The following NDUFA10 variants were observed in gnomAD, a reference collection of about 807,000 sequenced individuals.
NDUFA10 encodes NADH:ubiquinone oxidoreductase subunit A10.
In NDUFA10, 40 loss-of-function variants were observed where a neutral mutation model predicts 47.8. The observed-to-expected ratio is 0.84, with a 90% CI of 0.65 to 1.09. The LOEUF (loss-of-function observed/expected upper bound fraction) is 1.09, where lower values mean the gene tolerates loss of function less well. NDUFA10 is among the 50% of genes least tolerant of loss of function. NDUFA10 has a pLI of 0.00. For synonymous variants in NDUFA10, 183 were observed against 172.2 expected (o/e 1.06, Z -0.49); for missense variants, 413 against 451.1 (o/e 0.92, Z 0.76).
chr2:239,909,727 A>C (rs901804487), intron 4 of NDUFA10, among the ~76,000 whole-genome samples: 3 of 150,218 alleles, frequency 2.0e-5, no homozygotes, highest in African/African-American at 7.4e-5. Flanking sequence ...AGCAATTGCA[A>C]CAAAAGCAAA....
intron 4 of NDUFA10, among the ~76,000 whole-genome samples, chr2:239,937,881 A>G (rs1694290542): frequency 6.6e-6 from 1 of 152,144 alleles, no homozygotes; most frequent in Admixed American, 6.5e-5. Context: ...TTTAATTGTA[A>G]CAAATTATTT....
At chr2:239,899,476 T>G (rs1380376404) in intron 4 of NDUFA10, among the ~76,000 whole-genome samples, 2 of 122,880 alleles carry the variant, frequency 1.6e-5, no homozygotes, top group African/African-American at 5.2e-5. Flanking sequence ...CGGAGGGGTG[T>G]GATGGAGAGG....
intron 9 of NDUFA10, among the ~76,000 whole-genome samples, chr2:239,980,282 G>A (rs1695716521): frequency 6.6e-6 from 1 of 152,236 alleles, no homozygotes; most frequent in Non-Finnish European, 1.5e-5. Context: ...GGATGACACT[G>A]TCGGGCAGGG....
chr2:239,985,333 T>C (rs1397794413), intron 9 of NDUFA10, among the ~76,000 whole-genome samples: 1 of 152,028 alleles, frequency 6.6e-6, no homozygotes, highest in East Asian at 1.9e-4. Flanking sequence ...ATGAAAACTC[T>C]AGAATCAAAA....
At chr2:239,973,594 C>T (rs754608322) in intron 9 of NDUFA10, 20 of 471,158 alleles carry the variant, frequency 4.2e-5, no homozygotes, top group Non-Finnish European at 7.0e-5. Flanking sequence ...AAGGAGGGAA[C>T]GATCAGCTTC....
At chr2:239,921,025 T>C (rs1461663450) in intron 4 of NDUFA10, among the ~76,000 whole-genome samples, 1 of 152,136 alleles carries the variant, frequency 6.6e-6, no homozygotes, top group Admixed American at 6.5e-5. Context: ...CAGGGTTCTG[T>C]GGACAGAGCA....
chr2:239,961,291 C>T (rs1694844828), intron 9 of NDUFA10, 105 bp from the exon 10 acceptor site: 10 of 1,582,224 alleles, frequency 6.3e-6, no homozygotes, highest in African/African-American at 1.3e-5. Flanking sequence ...TCATGAGTTC[C>T]TTCAGCAATG....
intron 8 of NDUFA10, among the ~76,000 whole-genome samples, chr2:239,997,400 TA>T (rs1696524034): frequency 6.6e-6 from 1 of 152,246 alleles, no homozygotes; most frequent in African/African-American, 2.4e-5. Flanking sequence ...TTAGTGTTTA[TA>T]AAATGCAAAG....
At chr2:239,935,375 AC>A (rs1255850161) in intron 4 of NDUFA10, among the ~76,000 whole-genome samples, 1 of 152,250 alleles carries the variant, frequency 6.6e-6, no homozygotes, top group Non-Finnish European at 1.5e-5. Flanking sequence ...TGGGAAAATT[AC>A]AATTCATCGC....
Position 240,021,177 on chromosome 2 carries a change from A to G in NDUFA10, c.460+20T>C. 1 of 1,602,446 alleles carries G rather than the reference A, an allele frequency of 6.2e-7. No individual in the cohort carries two copies. Among genetic ancestry groups the G allele is most frequent in the Non-Finnish European group, 8.5e-7 (1 of 1,169,612 alleles). ...AGTGTTCAAGTACAGAACAGATCTA[A>G]CTGCCCAGAAATACTGCACCTGTGG... On this transcript the variant is annotated intron_variant, in intron 3 of 9. Transcript: ENST00000252711.
At chr2:239,988,404 G>T (rs756029606) in intron 9 of NDUFA10, among the ~76,000 whole-genome samples, 6 of 152,084 alleles carry the variant, frequency 3.9e-5, no homozygotes, top group Admixed American at 3.3e-4. Flanking sequence ...CTCACAAAAC[G>T]GAAAGGGGGC....
chr2:239,982,615 C>T (rs776792024), intron 9 of NDUFA10, among the ~76,000 whole-genome samples: 17 of 152,192 alleles, frequency 1.1e-4, no homozygotes, highest in Non-Finnish European at 2.4e-4. Flanking sequence ...TGTCTCCAGG[C>T]CCTATCTCTT....
intron 4 of NDUFA10, among the ~76,000 whole-genome samples, chr2:239,908,901 C>A (rs1003783832): frequency 2.0e-5 from 3 of 152,136 alleles, no homozygotes; most frequent in African/African-American, 7.2e-5. Context: ...CAGGAGGAGC[C>A]CCCAAGCACC....
intron 4 of NDUFA10, among the ~76,000 whole-genome samples, chr2:239,949,478 G>T (rs951844586): frequency 6.6e-6 from 1 of 152,172 alleles, no homozygotes. Flanking sequence ...CAGAAAGGTG[G>T]TGGAAGAAAG....
intron 9 of NDUFA10, among the ~76,000 whole-genome samples, chr2:239,966,107 CGT>C (rs1478652281): frequency 6.6e-6 from 1 of 152,238 alleles, no homozygotes; most frequent in African/African-American, 2.4e-5. Context: ...ATGACCCTGG[CGT>C]GTGTCAGTCC....
intron 4 of NDUFA10, among the ~76,000 whole-genome samples, chr2:239,915,907 A>G (rs974227122): frequency 6.7e-6 from 1 of 149,318 alleles, no homozygotes; most frequent in East Asian, 1.9e-4. Flanking sequence ...AGATACACAT[A>G]CACACACAGC....
chr2:239,936,117 G>A (rs1694262565), intron 4 of NDUFA10, among the ~76,000 whole-genome samples: 1 of 152,212 alleles, frequency 6.6e-6, no homozygotes, highest in South Asian at 2.1e-4. Context: ...AACTTCTCCT[G>A]TTCAAGAGCA....
At chr2:239,973,909 G>T (rs975449132) in intron 9 of NDUFA10, among the ~76,000 whole-genome samples, 1 of 152,026 alleles carries the variant, frequency 6.6e-6, no homozygotes, top group African/African-American at 2.4e-5. Context: ...TGAAAATGCT[G>T]CTTTACTTAT....
intron 1 of NDUFA10, 114 bp from the exon 2 acceptor site, chr2:240,022,454 T>C (rs1697663349): frequency 7.6e-6 from 11 of 1,455,752 alleles, no homozygotes; most frequent in African/African-American, 1.4e-5. Context: ...AATGCCAACA[T>C]CTACATCTTT....
Sources: gnomAD v4.1 joint callset for allele counts (sites outside exome capture counted in the v4.1 genomes callset) on GRCh38, gnomAD v4.1.1 for gene constraint, MANE v1.5 for transcripts, NCBI Gene and HGNC (gene_info 2026-07-23, HGNC 2026-07-21) for gene names.